The following MYO1D variants were observed in gnomAD, a reference collection of about 807,000 sequenced individuals.
MYO1D encodes unconventional myosin-Id.
Under a neutral mutation model 122.0 loss-of-function variants are expected in MYO1D, and 83 were observed. The ratio of observed to expected loss-of-function variants is 0.68; its 90% CI spans 0.57 to 0.82. MYO1D has a LOEUF of 0.82. MYO1D is among the 40% of genes least tolerant of loss of function. MYO1D has a pLI of 0.00. For missense variants in MYO1D, 1,157 were observed against 1,269.5 expected, an observed-to-expected ratio of 0.91 and a Z score of 1.35; for synonymous variants, 464 against 446.9, an observed-to-expected ratio of 1.04 and a Z score of -0.48.
chr17:32,767,651 A>C lies in MYO1D; in HGVS notation c.816T>G (p.Ala272=). 6.2e-7 allele frequency: 1 copy of C among 1,610,368 alleles called. No homozygotes were observed. Among genetic ancestry groups the C allele is most frequent in the South Asian group, 1.1e-5 (1 of 90,746 alleles). ...EEIQTVYKIL[A]AILHLGNLKF... ...CCCTACTCACCAAGTGCAGAATAGC[A>C]GCCAAAATCTTATACACTGTTTGGA... Residue 272 remains alanine (A), a synonymous_variant, in exon 7 of 22, where the codon GCT becomes GCG. Transcript: ENST00000318217.
rs1188680642 is a variant in MYO1D, at chr17:32,492,724, A to C, written c.*2035T>G. The C allele has an allele frequency of 1.3e-5, 2 of 152,612 alleles. No homozygotes were observed. The highest frequency in any genetic ancestry group is 3.8e-4 in the East Asian group (2 of 5,202). 9.5% of individuals were successfully genotyped at this position (152,612 alleles called of 1,614,324 possible). A position where few individuals can be genotyped will look rare whatever the true frequency, so the allele number is the denominator to read the frequency against. ...AAACCATAAAATTGCATTTCATTACATCAAGAGAACCCCCTCATTGTCTAC... is the reference window on the plus strand; with the variant it reads ...AAACCATAAAATTGCATTTCATTACCTCAAGAGAACCCCCTCATTGTCTAC... On this transcript the variant is annotated 3_prime_UTR_variant, in exon 22 of 22. Coordinates refer to ENST00000318217, the MANE Select transcript of MYO1D (RefSeq NM_015194.3).
chr17:32,495,119 G>T (rs1343955677), intron 21 of MYO1D, among the ~76,000 whole-genome samples: 1 of 152,234 alleles, frequency 6.6e-6, no homozygotes, highest in Non-Finnish European at 1.5e-5. Flanking sequence ...CGGCACCATG[G>T]CAGGGCCCTT....
intron 21 of MYO1D, among the ~76,000 whole-genome samples, chr17:32,574,028 A>G (rs1321560264): frequency 6.6e-6 from 1 of 150,728 alleles, no homozygotes; most frequent in Non-Finnish European, 1.5e-5. Flanking sequence ...AATTTTTTGT[A>G]TTTTTACTAG....
chr17:32,848,150 T>A (rs1291010832), intron 1 of MYO1D, among the ~76,000 whole-genome samples: 2 of 152,216 alleles, frequency 1.3e-5, no homozygotes, highest in South Asian at 4.1e-4. Context: ...AGATTTAAGA[T>A]ATGACTCCTG....
chr17:32,845,655 A>G (rs908324244), intron 1 of MYO1D, among the ~76,000 whole-genome samples: 4 of 152,138 alleles, frequency 2.6e-5, no homozygotes, highest in African/African-American at 7.2e-5. Context: ...CACGAGCCAC[A>G]TGTGGCTATT....
chr17:32,715,538 C>CCCAAATG, intron 15 of MYO1D, among the ~76,000 whole-genome samples: 1 of 152,194 alleles, frequency 6.6e-6, no homozygotes, highest in Non-Finnish European at 1.5e-5. Context: ...CTACTATACC[C>CCCAAATG]CCAAATGCAG....
chr17:32,571,897 G>A (rs1420195484), intron 21 of MYO1D, among the ~76,000 whole-genome samples: 1 of 152,080 alleles, frequency 6.6e-6, no homozygotes, highest in African/African-American at 2.4e-5. Flanking sequence ...GCTTTAAATT[G>A]CTTCTACTTT....
chr17:32,738,130 C>T (rs1567617961), intron 14 of MYO1D, 123 bp downstream of exon 14: 3 of 798,578 alleles, frequency 3.8e-6, no homozygotes, highest in Non-Finnish European at 1.8e-6. Flanking sequence ...TTATAACATT[C>T]ACTTTATACA....
chr17:32,788,475 T>A (rs1481063043), intron 1 of MYO1D, among the ~76,000 whole-genome samples: 1 of 152,308 alleles, frequency 6.6e-6, no homozygotes, highest in Admixed American at 6.5e-5. Flanking sequence ...AGGACCCAGT[T>A]TCATTCTTCT....
chr17:32,652,551 T>C lies in MYO1D; in HGVS notation c.2595+1292A>G, dbSNP rs567330211. Among the ~76,000 whole-genome samples the C allele has an allele frequency of 4.6e-5, 7 of 152,296 alleles. No homozygotes were observed. In the East Asian group the frequency reaches 1.2e-3, roughly 25 times the overall value. ...AATTTCATTAATATTTTAAAATGTATTTGGATAATTCTACAAAATACTCTT... is the reference window on the plus strand; with the variant it reads ...AATTTCATTAATATTTTAAAATGTACTTGGATAATTCTACAAAATACTCTT... On this transcript the variant is annotated intron_variant, in intron 19 of 21. Transcript: ENST00000318217.
At chr17:32,651,767 C>A (rs1270182053) in intron 19 of MYO1D, among the ~76,000 whole-genome samples, 1 of 151,494 alleles carries the variant, frequency 6.6e-6, no homozygotes, top group Admixed American at 6.6e-5. Context: ...CCTCTGCTTC[C>A]CGGGTTCAAG....
In MYO1D at chr17:32,712,003, G is replaced by A. The variant is rs1295679736; in HGVS notation, c.2106C>T (p.Val702=). The change falls in exon 16 of 22, where the codon GTC becomes GTT. Residue 702 remains valine (V), a synonymous_variant. Transcript: ENST00000318217. ...ELRAQMLIRI[V]LFLQKVWRGT... Reference sequence around the variant, plus strand: ...ATAAAATTACCTTTTGTAGAAAGAGGACAATCCTTATGAGCATCTGGGCAC... The same window carrying A: ...ATAAAATTACCTTTTGTAGAAAGAGAACAATCCTTATGAGCATCTGGGCAC... The A allele has an allele frequency of 6.2e-7, 1 of 1,613,482 alleles. No individual in the cohort carries two copies. Among genetic ancestry groups the A allele is most frequent in the Non-Finnish European group, 8.5e-7 (1 of 1,179,538 alleles).
At chr17:32,547,588 C>A (rs2086975042) in intron 21 of MYO1D, among the ~76,000 whole-genome samples, 2 of 152,242 alleles carry the variant, frequency 1.3e-5, no homozygotes, top group Non-Finnish European at 2.9e-5. Flanking sequence ...TCCAACCAAC[C>A]AACCGCTTCT....
At chr17:32,674,319 C>T (rs1001811028) in intron 16 of MYO1D, among the ~76,000 whole-genome samples, 1 of 152,176 alleles carries the variant, frequency 6.6e-6, no homozygotes, top group Non-Finnish European at 1.5e-5. Context: ...TACCAGCATT[C>T]TATCATAACA....
chr17:32,821,309 T>C (rs1412951266), intron 1 of MYO1D, among the ~76,000 whole-genome samples: 1 of 152,100 alleles, frequency 6.6e-6, no homozygotes, highest in African/African-American at 2.4e-5. Context: ...CAGGAATAAT[T>C]AGTCATTCAT....
intron 1 of MYO1D, among the ~76,000 whole-genome samples, chr17:32,851,190 C>G (rs1280847187): frequency 6.6e-6 from 1 of 152,316 alleles, no homozygotes; most frequent in Non-Finnish European, 1.5e-5. Flanking sequence ...TCCCCCCACT[C>G]TCAGCCAACA....
intron 13 of MYO1D, 131 bp downstream of exon 13, chr17:32,745,080 T>C: frequency 1.6e-6 from 1 of 619,508 alleles, no homozygotes; most frequent in South Asian, 1.9e-5. Context: ...ATGCTATTTA[T>C]TAAGTCTGAT....
intron 21 of MYO1D, among the ~76,000 whole-genome samples, chr17:32,497,346 C>T (rs1021268903): frequency 2.0e-5 from 3 of 152,092 alleles, no homozygotes. Flanking sequence ...AATCCTAGTT[C>T]CCTGGGAGGC....
intron 21 of MYO1D, among the ~76,000 whole-genome samples, chr17:32,509,445 T>C (rs1567870991): frequency 6.6e-6 from 1 of 152,220 alleles, no homozygotes; most frequent in African/African-American, 2.4e-5. Context: ...TATGCAAGGT[T>C]AGAGAAGCTC....
Sources: gnomAD v4.1 joint callset for allele counts (sites outside exome capture counted in the v4.1 genomes callset) on GRCh38, gnomAD v4.1.1 for gene constraint, MANE v1.5 for transcripts, NCBI Gene and HGNC (gene_info 2026-07-23, HGNC 2026-07-21) for gene names.